NALF1: variants seen among roughly 807,000 people sequenced by gnomAD.
NALF1 encodes the protein family with sequence similarity 155 member A.
A neutral mutation model predicts 48.4 loss-of-function variants in NALF1; 3 were observed. The ratio of observed to expected loss-of-function variants is 0.06; its 90% CI spans 0.03 to 0.16. NALF1 has a LOEUF of 0.16. Among genes scored for constraint, NALF1 ranks in the 10% least tolerant of loss-of-function variants. The probability of loss-of-function intolerance (pLI) is 1.00; values close to 1 mark genes in which losing one functional copy is unlikely to be tolerated. For synonymous variants in NALF1, 262 were observed against 245.7 expected, an observed-to-expected ratio of 1.07 and a Z score of -0.62; for missense variants, 526 against 571.5, an observed-to-expected ratio of 0.92 and a Z score of 0.81.
chr13:107,401,684 G>C (rs1409985324), intron 1 of NALF1, among the ~76,000 whole-genome samples: 4 of 115,712 alleles, frequency 3.5e-5, no homozygotes, highest in Non-Finnish European at 5.4e-5. Flanking sequence ...AGAAATAGTT[G>C]TTACTTTGAA....
chr13:107,758,144 A>C (rs1165825003), intron 1 of NALF1, among the ~76,000 whole-genome samples: 2 of 152,208 alleles, frequency 1.3e-5, no homozygotes, highest in Non-Finnish European at 2.9e-5. Context: ...AAAAATGTCC[A>C]ATGGAGAAAC....
intron 1 of NALF1, among the ~76,000 whole-genome samples, chr13:107,571,177 C>A (rs958209305): frequency 1.3e-5 from 2 of 152,158 alleles, no homozygotes; most frequent in African/African-American, 4.8e-5. Flanking sequence ...CCTGAATGGT[C>A]CAGGTGAGAG....
chr13:107,203,248 TC>T (rs1879559558), intron 2 of NALF1, among the ~76,000 whole-genome samples: 2 of 152,226 alleles, frequency 1.3e-5, no homozygotes, highest in Admixed American at 1.3e-4. Flanking sequence ...TCCTTTGGCT[TC>T]CCGCTTTGAC....
intron 1 of NALF1, among the ~76,000 whole-genome samples, chr13:107,858,764 TA>T (rs1227223669): frequency 6.6e-6 from 1 of 152,220 alleles, no homozygotes; most frequent in Non-Finnish European, 1.5e-5. Flanking sequence ...TCCCCATCTG[TA>T]AAATCTGTAA....
chr13:107,166,478 TAAAAC>T lies in NALF1; in HGVS notation c.*4014_*4018del, dbSNP rs1407648560. The T allele has an allele frequency of 6.6e-6, 1 of 152,154 alleles. No homozygotes were observed. Among genetic ancestry groups the T allele is most frequent in the African/African-American group, 2.4e-5 (1 of 41,440 alleles). The allele number at this position is 152,154 out of a possible 1,614,324, so 9.4% of individuals were successfully genotyped here. On this transcript the variant is annotated 3_prime_UTR_variant, in exon 3 of 3. Coordinates refer to ENST00000375915, the MANE Select transcript of NALF1 (RefSeq NM_001080396.3). ...ATACCTGACTGCAGTTCTAAATAAA[TAAAAC>T]AAAATGCAGCTTTCAGTTCTGTGTT...
At chr13:107,763,052 T>C (rs998285614) in intron 1 of NALF1, among the ~76,000 whole-genome samples, 2 of 150,548 alleles carry the variant, frequency 1.3e-5, no homozygotes, top group African/African-American at 4.9e-5. Context: ...TTTTTTTTTT[T>C]CTAGTGGGCC....
At chr13:107,493,851 T>C (rs7998448) in intron 1 of NALF1, among the ~76,000 whole-genome samples, 110,622 of 152,030 alleles carry the variant, frequency 0.73, 40,709 homozygotes, top group Middle Eastern at 0.83. Flanking sequence ...AATTGCACCA[T>C]TGGACTCCAG....
intron 1 of NALF1, among the ~76,000 whole-genome samples, chr13:107,485,763 C>T (rs989415777): frequency 6.6e-6 from 1 of 152,156 alleles, no homozygotes; most frequent in Admixed American, 6.5e-5. Flanking sequence ...TATGTTGCTA[C>T]CTAAAATTTA....
chr13:107,325,037 T>C (rs1882325700), intron 1 of NALF1, among the ~76,000 whole-genome samples: 1 of 152,190 alleles, frequency 6.6e-6, no homozygotes, highest in Non-Finnish European at 1.5e-5. Flanking sequence ...CACTCCCTCC[T>C]GCCAAAGGCA....
intron 1 of NALF1, among the ~76,000 whole-genome samples, chr13:107,601,098 G>A (rs931146627): frequency 1.8e-4 from 28 of 152,154 alleles, no homozygotes; most frequent in African/African-American, 6.8e-4. Flanking sequence ...GTCAGTTGGG[G>A]ACCAGCATGT....
chr13:107,271,202 GTAGT>G (rs1881157541), intron 1 of NALF1, among the ~76,000 whole-genome samples: 1 of 152,108 alleles, frequency 6.6e-6, no homozygotes, highest in South Asian at 2.1e-4. Flanking sequence ...TCGTGCAGCT[GTAGT>G]TAAAGTTACT....
At chr13:107,612,562 G>A (rs1879261335) in intron 1 of NALF1, among the ~76,000 whole-genome samples, 1 of 151,756 alleles carries the variant, frequency 6.6e-6, no homozygotes, top group Non-Finnish European at 1.5e-5. Context: ...TGCTGTGGGT[G>A]GGCCTTGTGC....
rs190425193 is a variant in NALF1 at position 107,219,011 on chromosome 13, A to T, written c.916-8256T>A. 7.2e-5 allele frequency among the ~76,000 whole-genome samples: 11 copies of T among 152,334 alleles called. No homozygotes were observed. The East Asian group carries it at 1.9e-3, about 27-fold the overall frequency. On this transcript the variant is annotated intron_variant, in intron 1 of 2. Transcript: ENST00000375915. ...GAATTAACTTCACAGTAAATAAGGAAGCGTTTCCTTTGGTGTGAAGGAAGA... is the reference window on the plus strand; with the variant it reads ...GAATTAACTTCACAGTAAATAAGGATGCGTTTCCTTTGGTGTGAAGGAAGA...
rs541107257 is a variant in NALF1, at chr13:107,684,835, C to T, written c.915+180847G>A. 6.6e-5 allele frequency among the ~76,000 whole-genome samples: 10 copies of T among 152,280 alleles called. No homozygotes were observed. In the South Asian group the frequency reaches 2.1e-3, roughly 32 times the overall value. ...TTCCTAATTAAAATAACACCTATCC[C>T]TCTCTTTGAATAACTGGCAATATTA... On this transcript the variant is annotated intron_variant, in intron 1 of 2. Coordinates refer to ENST00000375915, the MANE Select transcript of NALF1 (RefSeq NM_001080396.3).
intron 1 of NALF1, among the ~76,000 whole-genome samples, chr13:107,765,623 T>C (rs1314503047): frequency 6.6e-6 from 1 of 152,148 alleles, no homozygotes; most frequent in East Asian, 1.9e-4. Flanking sequence ...TGAAATTGTT[T>C]TCATCTTTAA....
At chr13:107,190,613 A>C (rs1254935645) in intron 2 of NALF1, among the ~76,000 whole-genome samples, 1 of 152,266 alleles carries the variant, frequency 6.6e-6, no homozygotes, top group Non-Finnish European at 1.5e-5. Flanking sequence ...CTGAAGAAAC[A>C]CAATGATATT....
intron 1 of NALF1, among the ~76,000 whole-genome samples, chr13:107,578,081 A>G (rs1208025761): frequency 6.6e-6 from 1 of 151,990 alleles, no homozygotes; most frequent in African/African-American, 2.4e-5. Context: ...CCTCTTCCCA[A>G]TTCTTGCCTC....
At chr13:107,813,915 T>C (rs1166754187) in intron 1 of NALF1, among the ~76,000 whole-genome samples, 1 of 152,160 alleles carries the variant, frequency 6.6e-6, no homozygotes, top group Non-Finnish European at 1.5e-5. Context: ...TTAACTATTC[T>C]AGTTGGATTT....
chr13:107,588,136 T>G (rs530876602), intron 1 of NALF1, among the ~76,000 whole-genome samples: 76 of 152,262 alleles, frequency 5.0e-4, no homozygotes, highest in African/African-American at 1.7e-3. Context: ...TACTCTTTCA[T>G]GGTGACACCA....
Sources: allele counts gnomAD v4.1 joint callset (sites outside exome capture counted in the v4.1 genomes callset), GRCh38; gene constraint gnomAD v4.1.1; transcripts MANE v1.5; gene names NCBI Gene and HGNC (gene_info 2026-07-23, HGNC 2026-07-21).